Variants in KHDRBS2 observed in about 807,000 individuals in gnomAD.
The protein encoded by KHDRBS2 is KH domain-containing, RNA-binding, signal transduction-associated protein 2.
A neutral mutation model predicts 44.3 loss-of-function variants in KHDRBS2; 26 were observed. The ratio of observed to expected loss-of-function variants is 0.59; its 90% CI spans 0.43 to 0.81. The LOEUF (loss-of-function observed/expected upper bound fraction) is 0.81, where lower values mean the gene tolerates loss of function less well. KHDRBS2 is among the 40% of genes least tolerant of loss of function. The pLI is 0.00. For missense variants in KHDRBS2, 476 were observed against 433.1 expected, an observed-to-expected ratio of 1.10 and a Z score of -0.88; for synonymous variants, 194 against 151.1, an observed-to-expected ratio of 1.28 and a Z score of -2.08.
intron 1 of KHDRBS2, among the ~76,000 whole-genome samples, chr6:62,263,942 C>T (rs1344192060): frequency 6.6e-6 from 1 of 151,678 alleles, no homozygotes; most frequent in Non-Finnish European, 1.5e-5. Context: ...CATCATTGTC[C>T]TTATTGTTAT....
intron 1 of KHDRBS2, among the ~76,000 whole-genome samples, chr6:62,253,299 T>C (rs572200305): frequency 6.6e-6 from 1 of 152,074 alleles, no homozygotes; most frequent in Non-Finnish European, 1.5e-5. Flanking sequence ...TATATGTTTA[T>C]ATATGAATTA....
At chr6:61,575,318 A>T in the KHDRBS2 span, among the ~76,000 whole-genome samples, 1 of 152,158 alleles carries the variant, frequency 6.6e-6, no homozygotes, top group South Asian at 2.1e-4. Context: ...TGAATAGACA[A>T]TTCTCAAAAG....
chr6:62,071,465 T>C (rs1257869346), intron 2 of KHDRBS2, among the ~76,000 whole-genome samples: 2 of 152,244 alleles, frequency 1.3e-5, no homozygotes, highest in African/African-American at 4.8e-5. Context: ...AGGATTTTTA[T>C]GGTTTTAGGT....
the KHDRBS2 span, among the ~76,000 whole-genome samples, chr6:61,560,025 C>G: frequency 1.3e-5 from 2 of 151,834 alleles, no homozygotes; most frequent in Non-Finnish European, 2.9e-5. Context: ...TCAGCTTTTG[C>G]TTGGGCAAAT....
intron 2 of KHDRBS2, among the ~76,000 whole-genome samples, chr6:62,084,404 C>T (rs116130327): frequency 9.9e-5 from 15 of 152,198 alleles, no homozygotes; most frequent in African/African-American, 3.6e-4. Flanking sequence ...ATATTTTCCC[C>T]ATTTCTGAGT....
At chr6:61,552,091 T>C in the KHDRBS2 span, among the ~76,000 whole-genome samples, 2 of 152,112 alleles carry the variant, frequency 1.3e-5, no homozygotes, top group Non-Finnish European at 1.5e-5. Context: ...ATTGAATTTA[T>C]AAATTGCCTT....
intron 2 of KHDRBS2, among the ~76,000 whole-genome samples, chr6:62,154,040 G>A (rs762331868): frequency 6.6e-6 from 1 of 151,996 alleles, no homozygotes; most frequent in African/African-American, 2.4e-5. Context: ...TTTTATTATT[G>A]AGTTAATCAT....
intron 6 of KHDRBS2, among the ~76,000 whole-genome samples, chr6:61,786,088 G>A (rs538228041): frequency 6.6e-5 from 10 of 151,970 alleles, no homozygotes; most frequent in Admixed American, 3.3e-4. Flanking sequence ...CATGTAATCA[G>A]TACCAAGCAC....
At chr6:61,720,179 G>T (rs1032137367) in intron 7 of KHDRBS2, among the ~76,000 whole-genome samples, 14 of 151,754 alleles carry the variant, frequency 9.2e-5, no homozygotes, top group Middle Eastern at 3.4e-3. Flanking sequence ...GTCTATCATT[G>T]TTGGACATTT....
the KHDRBS2 span, among the ~76,000 whole-genome samples, chr6:61,595,092 C>A: frequency 6.6e-6 from 1 of 152,218 alleles, no homozygotes; most frequent in East Asian, 1.9e-4. Flanking sequence ...GTACCACAAT[C>A]TTTTACTATT....
In KHDRBS2 at chr6:61,901,239, T is replaced by C; in HGVS notation, c.611+5A>G. The C allele has an allele frequency of 6.2e-7, 1 of 1,607,230 alleles. No individual in the cohort carries two copies. Among genetic ancestry groups the C allele is most frequent in the Non-Finnish European group, 8.5e-7 (1 of 1,178,068 alleles). ...TTAATTTATTTAAAGTAAGAATGAA[T>C]GTACCTTGAAGGAGCTGTGGGAGCT... On this transcript the variant is annotated splice_donor_5th_base_variant and intron_variant, in intron 5 of 8. Coordinates refer to ENST00000281156, the MANE Select transcript of KHDRBS2 (RefSeq NM_152688.4).
intron 6 of KHDRBS2, among the ~76,000 whole-genome samples, chr6:61,839,199 T>C (rs1203062864): frequency 6.6e-6 from 1 of 152,136 alleles, no homozygotes. Flanking sequence ...GTTCATCTTA[T>C]ATTATCTCAT....
At chr6:62,224,806 T>G (rs1831491276) in intron 1 of KHDRBS2, among the ~76,000 whole-genome samples, 1 of 152,212 alleles carries the variant, frequency 6.6e-6, no homozygotes, top group African/African-American at 2.4e-5. Context: ...TTGGTGAATA[T>G]CTGAGTCATA....
At chr6:62,123,541 T>G (rs1471635473) in intron 2 of KHDRBS2, among the ~76,000 whole-genome samples, 3 of 152,210 alleles carry the variant, frequency 2.0e-5, no homozygotes, top group African/African-American at 7.2e-5. Flanking sequence ...TCCTGCACCC[T>G]TTAATCCTGC....
At chr6:62,156,020 T>C (rs1816299582) in intron 2 of KHDRBS2, among the ~76,000 whole-genome samples, 1 of 152,186 alleles carries the variant, frequency 6.6e-6, no homozygotes, top group African/African-American at 2.4e-5. Flanking sequence ...ATACAATACA[T>C]TGTTTGGCAG....
intron 7 of KHDRBS2, among the ~76,000 whole-genome samples, chr6:61,727,638 A>G (rs1773790381): frequency 6.6e-6 from 1 of 152,222 alleles, no homozygotes; most frequent in Non-Finnish European, 1.5e-5. Flanking sequence ...CTGAACAGAT[A>G]CTTCTCAAAA....
intron 1 of KHDRBS2, among the ~76,000 whole-genome samples, chr6:62,276,677 A>G (rs1200470411): frequency 6.6e-6 from 1 of 152,256 alleles, no homozygotes; most frequent in African/African-American, 2.4e-5. Context: ...CTATACTTAT[A>G]TTTTATGATA....
chr6:61,834,718 T>C (rs1792376959), intron 6 of KHDRBS2, among the ~76,000 whole-genome samples: 1 of 152,026 alleles, frequency 6.6e-6, no homozygotes, highest in East Asian at 1.9e-4. Flanking sequence ...GCACTAAAAA[T>C]AAGTCTCCTT....
chr6:61,627,896 CA>C, the KHDRBS2 span, among the ~76,000 whole-genome samples: 1 of 152,078 alleles, frequency 6.6e-6, no homozygotes, highest in Non-Finnish European at 1.5e-5. Context: ...GTGAGAACCT[CA>C]AAAAACATAG....
Sources: gnomAD v4.1 joint callset for allele counts (sites outside exome capture counted in the v4.1 genomes callset) on GRCh38, gnomAD v4.1.1 for gene constraint, MANE v1.5 for transcripts, NCBI Gene and HGNC (gene_info 2026-07-23, HGNC 2026-07-21) for gene names.